Variants in TCAF1 observed in about 807,000 individuals in gnomAD.
TCAF1 encodes TRPM8 channel associated factor 1, also known as TRPM8 channel-associated factor 1.
Under a neutral mutation model 27.3 loss-of-function variants are expected in TCAF1, and 4 were observed. The ratio of observed to expected loss-of-function variants is 0.15; its 90% CI spans 0.07 to 0.34. The LOEUF (loss-of-function observed/expected upper bound fraction) is 0.34, where lower values mean the gene tolerates loss of function less well. Ranked by LOEUF, TCAF1 falls within the 10% of genes least tolerant of loss-of-function variation. The probability of loss-of-function intolerance (pLI) is 1.00; values close to 1 mark genes in which losing one functional copy is unlikely to be tolerated. For missense variants in TCAF1, 257 were observed against 425.8 expected (o/e 0.60, Z 3.49); for synonymous variants, 105 against 167.1 (o/e 0.63, Z 2.87).
intron 2 of TCAF1, among the ~76,000 whole-genome samples, chr7:143,870,521 C>A (rs1314035751): frequency 6.6e-6 from 1 of 151,568 alleles, no homozygotes; most frequent in African/African-American, 2.4e-5. Flanking sequence ...AGGAATTTTT[C>A]AGATATGTTA....
Position 143,876,164 on chromosome 7 carries a change from G to A in TCAF1, c.445C>T (p.Leu149Phe). 6.2e-7 allele frequency: 1 copy of A among 1,614,142 alleles called. No individual in the cohort carries two copies. The highest frequency in any genetic ancestry group is 1.3e-5 in the African/African-American group (1 of 75,046). ...CAATCCCAGGCTTGTCCTCCTATGAGCAAGCCGCCACCACATTTCATGAAC... is the reference window on the plus strand; with the variant it reads ...CAATCCCAGGCTTGTCCTCCTATGAACAAGCCGCCACCACATTTCATGAAC... Reference protein sequence around the residue: ...VKFMKCGGGLLIGGQAWDWAN... With the variant: ...VKFMKCGGGLFIGGQAWDWAN... The change falls in exon 2 of 9, where the codon CTC becomes TTC. Residue 149 changes from leucine to phenylalanine, a missense_variant. Transcript: ENST00000479870.
intron 1 of TCAF1, chr7:143,886,519 T>C (rs1411350593): frequency 2.0e-6 from 2 of 984,996 alleles, no homozygotes; most frequent in Non-Finnish European, 2.4e-6. Context: ...CACAAACAGG[T>C]GCTCTGTAAT....
intron 1 of TCAF1, among the ~76,000 whole-genome samples, chr7:143,894,407 T>C (rs1353493658): frequency 6.6e-6 from 1 of 151,830 alleles, no homozygotes; most frequent in Non-Finnish European, 1.5e-5. Context: ...GTAAGTACAT[T>C]ATAAGAACAA....
chr7:143,893,094 C>A (rs932478556), intron 1 of TCAF1, among the ~76,000 whole-genome samples: 1 of 152,006 alleles, frequency 6.6e-6, no homozygotes, highest in East Asian at 1.9e-4. Flanking sequence ...GTACACCAAG[C>A]AAACATTAAC....
intron 1 of TCAF1, among the ~76,000 whole-genome samples, chr7:143,876,902 C>T (rs148848498): frequency 1.3e-5 from 2 of 152,244 alleles, no homozygotes; most frequent in East Asian, 3.9e-4. Flanking sequence ...ATTGTGTCCC[C>T]CAAAGAGATA....
intron 1 of TCAF1, among the ~76,000 whole-genome samples, chr7:143,885,992 T>C (rs2116834071): frequency 6.6e-6 from 1 of 152,338 alleles, no homozygotes; most frequent in African/African-American, 2.4e-5. Context: ...TCTACAAATA[T>C]GATTTCTCCC....
chr7:143,895,266 G>A (rs1434551185), intron 1 of TCAF1, among the ~76,000 whole-genome samples: 1 of 151,670 alleles, frequency 6.6e-6, no homozygotes, highest in African/African-American at 2.4e-5. Flanking sequence ...CAGAAACACT[G>A]GAAAAAATAA....
chr7:143,882,343 C>A (rs1012401424), intron 1 of TCAF1: 1 of 965,066 alleles, frequency 1.0e-6, no homozygotes, highest in African/African-American at 1.8e-5. Flanking sequence ...CTGTCACCAG[C>A]TACCCGCGAC....
At chr7:143,891,787 G>A (rs1208752169) in intron 1 of TCAF1, among the ~76,000 whole-genome samples, 1 of 152,096 alleles carries the variant, frequency 6.6e-6, no homozygotes. Context: ...TCCCCGAGCA[G>A]AATACACAGA....
chr7:143,893,465 A>T (rs1417242013), intron 1 of TCAF1, among the ~76,000 whole-genome samples: 2 of 152,116 alleles, frequency 1.3e-5, no homozygotes, highest in Non-Finnish European at 2.9e-5. Context: ...AACAGAATAT[A>T]CATGATTTTT....
At chr7:143,896,738 A>T (rs1813885068) in intron 1 of TCAF1, among the ~76,000 whole-genome samples, 1 of 152,056 alleles carries the variant, frequency 6.6e-6, no homozygotes, top group African/African-American at 2.4e-5. Flanking sequence ...ATTATAAATA[A>T]TTAAAGCTAC....
At chr7:143,885,292 G>A in intron 1 of TCAF1, 2 of 985,564 alleles carry the variant, frequency 2.0e-6, no homozygotes, top group Non-Finnish European at 2.4e-6. Flanking sequence ...TGGGGCAGAC[G>A]CCTTGGGAAT....
chr7:143,875,867 T>C, intron 2 of TCAF1, 122 bp downstream of exon 2: 1 of 815,512 alleles, frequency 1.2e-6, no homozygotes, highest in Non-Finnish European at 1.9e-6. Context: ...AGTTGATATG[T>C]AGTGATTCCA....
At chr7:143,895,639 T>G (rs1320620240) in intron 1 of TCAF1, among the ~76,000 whole-genome samples, 7 of 150,484 alleles carry the variant, frequency 4.7e-5, no homozygotes, top group Middle Eastern at 3.4e-3. Flanking sequence ...TAACTCAGGG[T>G]TTTTTTTTGT....
Position 143,876,211 on chromosome 7 carries a change from G to T in TCAF1, c.398C>A (p.Thr133Asn). The change falls in exon 2 of 9, where the codon ACC becomes AAC. Residue 133 changes from threonine (T) to asparagine (N), a missense_variant. Around this residue, in one of 2 missense-constraint regions of TCAF1, gnomAD observed 255 missense variants for 260.1 expected, o/e 0.98. Coordinates refer to ENST00000479870, the MANE Select transcript of TCAF1 (RefSeq NM_014719.3). ...GAACTTGACCAGCTTTTCTGTCATG[G>T]TTTCATTGTAGGCATCAATACAGTA... ...GVYCIDAYNE[T>N]MTEKLVKFMK... 6.2e-7 allele frequency: 1 copy of T among 1,614,184 alleles called. No homozygotes were observed. Among genetic ancestry groups the T allele is most frequent in the Non-Finnish European group, 8.5e-7 (1 of 1,180,040 alleles).
At chr7:143,885,259 T>G (rs959321241) in intron 1 of TCAF1, 3 of 985,544 alleles carry the variant, frequency 3.0e-6, no homozygotes, top group African/African-American at 1.7e-5. Context: ...TGGGGAGTCT[T>G]CCACAGAGAT....
intron 1 of TCAF1, chr7:143,885,067 T>TCGCC: frequency 4.1e-6 from 4 of 985,286 alleles, no homozygotes; most frequent in Non-Finnish European, 4.8e-6. Context: ...TGCGCCCCCC[T>TCGCC]CGGCCGCGCT....
intron 1 of TCAF1, among the ~76,000 whole-genome samples, chr7:143,898,549 A>C (rs1243989795): frequency 6.6e-6 from 1 of 152,190 alleles, no homozygotes; most frequent in African/African-American, 2.4e-5. Context: ...CAGCAACAAT[A>C]AACTACAAAA....
intron 1 of TCAF1, among the ~76,000 whole-genome samples, chr7:143,877,260 C>T (rs1279197372): frequency 1.3e-5 from 2 of 152,086 alleles, no homozygotes; most frequent in Non-Finnish European, 2.9e-5. Flanking sequence ...TTTAAGCCAC[C>T]CCATTTGTGG....
Sources: gnomAD v4.1 joint callset for allele counts (sites outside exome capture counted in the v4.1 genomes callset) on GRCh38, gnomAD v4.1.1 for gene constraint, gnomAD v4.1.1 regional missense constraint, MANE v1.5 for transcripts, NCBI Gene and HGNC (gene_info 2026-07-23, HGNC 2026-07-21) for gene names.